Variants in GALNTL6 observed in about 807,000 individuals in gnomAD.
GALNTL6 encodes the protein polypeptide N-acetylgalactosaminyltransferase-like 6.
Under a neutral mutation model 73.7 loss-of-function variants are expected in GALNTL6, and 46 were observed. That is an observed-to-expected ratio of 0.62 (90% confidence interval 0.49 to 0.80). GALNTL6 has a LOEUF of 0.80. Ranked by LOEUF, GALNTL6 falls within the 30% of genes least tolerant of loss-of-function variation. GALNTL6 has a pLI of 0.00. For synonymous variants in GALNTL6, 259 were observed against 263.7 expected (o/e 0.98, Z 0.17); for missense variants, 604 against 755.0 (o/e 0.80, Z 2.34).
intron 2 of GALNTL6, among the ~76,000 whole-genome samples, chr4:172,187,460 T>C (rs2110870085): frequency 6.6e-6 from 1 of 152,226 alleles, no homozygotes; most frequent in East Asian, 1.9e-4. Flanking sequence ...ACAATCAAAA[T>C]AGCTCAAATT....
At chr4:172,413,749 C>T (rs549219804) in intron 5 of GALNTL6, among the ~76,000 whole-genome samples, 2 of 151,684 alleles carry the variant, frequency 1.3e-5, no homozygotes, top group East Asian at 3.9e-4. Context: ...AAGTGCCCTC[C>T]ATTTCCAAAG....
chr4:171,914,026 G>A (rs1385028879), intron 2 of GALNTL6, among the ~76,000 whole-genome samples: 3 of 151,918 alleles, frequency 2.0e-5, no homozygotes, highest in Non-Finnish European at 4.4e-5. Flanking sequence ...CTCAATTCTG[G>A]ATTATTTCTC....
At chr4:172,650,698 G>C (rs1740437819) in intron 5 of GALNTL6, among the ~76,000 whole-genome samples, 1 of 152,130 alleles carries the variant, frequency 6.6e-6, no homozygotes, top group African/African-American at 2.4e-5. Context: ...TAATGTCACA[G>C]ATGACAATGG....
chr4:172,241,950 A>G (rs181979323), intron 3 of GALNTL6, among the ~76,000 whole-genome samples: 127 of 152,292 alleles, frequency 8.3e-4, no homozygotes, highest in Middle Eastern at 3.4e-3. Flanking sequence ...CAGATTATTA[A>G]TAAAAGTTGA....
At chr4:172,957,934 G>A (rs1561055575) in intron 10 of GALNTL6, among the ~76,000 whole-genome samples, 1 of 152,162 alleles carries the variant, frequency 6.6e-6, no homozygotes, top group Non-Finnish European at 1.5e-5. Context: ...TGTTCAGGGT[G>A]AGGAACATGA....
chr4:171,950,482 C>CTT lies in GALNTL6; in HGVS notation c.138+135779_138+135780dup, dbSNP rs149650644. On this transcript the variant is annotated intron_variant, in intron 2 of 12. Coordinates refer to ENST00000506823, the MANE Select transcript of GALNTL6 (RefSeq NM_001034845.3). ...TGAGCAAAGTAAAATCTTTTCTTTT[C>CTT]TTTTTTTTTTTTTTTTGAGATGAAG... 1.4e-3 allele frequency among the ~76,000 whole-genome samples: 200 copies of CTT among 141,420 alleles called. 1 individual carries two copies. Among genetic ancestry groups the CTT allele is most frequent in the Admixed American group, 3.6e-3 (50 of 13,868 alleles). 92.8% of individuals were successfully genotyped at this position (141,420 alleles called of 152,430 possible).
At chr4:172,415,800 G>A (rs893053573) in intron 5 of GALNTL6, among the ~76,000 whole-genome samples, 6 of 152,086 alleles carry the variant, frequency 3.9e-5, no homozygotes, top group Non-Finnish European at 7.4e-5. Flanking sequence ...GTACGTGACC[G>A]GGGGCTGCCT....
chr4:171,979,446 A>G (rs921162901), intron 2 of GALNTL6, among the ~76,000 whole-genome samples: 4 of 152,246 alleles, frequency 2.6e-5, no homozygotes, highest in African/African-American at 9.6e-5. Flanking sequence ...CCCAAGGGCT[A>G]GAAATTGGAC....
chr4:171,828,411 G>C (rs1162357126), intron 2 of GALNTL6, among the ~76,000 whole-genome samples: 1 of 152,122 alleles, frequency 6.6e-6, no homozygotes, highest in Non-Finnish European at 1.5e-5. Flanking sequence ...TACCACTAGT[G>C]ATGCTGGAAG....
At chr4:172,944,206 A>G (rs1043203433) in intron 9 of GALNTL6, among the ~76,000 whole-genome samples, 12 of 152,216 alleles carry the variant, frequency 7.9e-5, no homozygotes, top group African/African-American at 2.9e-4. Context: ...GAAAAGAGAT[A>G]TTTGCAAATC....
At chr4:172,784,573 T>C (rs1394973104) in intron 5 of GALNTL6, among the ~76,000 whole-genome samples, 2 of 152,172 alleles carry the variant, frequency 1.3e-5, no homozygotes, top group African/African-American at 4.8e-5. Context: ...ATCTGTTTCC[T>C]TGACTTTTCC....
intron 5 of GALNTL6, among the ~76,000 whole-genome samples, chr4:172,481,104 C>G (rs558079772): frequency 6.6e-6 from 1 of 152,266 alleles, no homozygotes; most frequent in South Asian, 2.1e-4. Context: ...TTTGTTACTT[C>G]TGATGTTTGG....
intron 5 of GALNTL6, among the ~76,000 whole-genome samples, chr4:172,390,299 T>C (rs975769876): frequency 6.6e-6 from 1 of 152,248 alleles, no homozygotes; most frequent in Non-Finnish European, 1.5e-5. Context: ...AGAGCCACTA[T>C]GGACTGTTTA....
chr4:171,946,084 CAGAT>C (rs1281354323), intron 2 of GALNTL6, among the ~76,000 whole-genome samples: 5 of 152,070 alleles, frequency 3.3e-5, no homozygotes, highest in African/African-American at 9.7e-5. Context: ...AGCAGCTTAA[CAGAT>C]AGAATTAGCA....
At chr4:172,716,942 A>G (rs75723605) in intron 5 of GALNTL6, among the ~76,000 whole-genome samples, 1 of 152,334 alleles carries the variant, frequency 6.6e-6, no homozygotes, top group African/African-American at 2.4e-5. Context: ...ATATATTAAA[A>G]TGTGGCTGAT....
chr4:173,009,885 A>G (rs1177520352), intron 11 of GALNTL6, among the ~76,000 whole-genome samples: 1 of 152,194 alleles, frequency 6.6e-6, no homozygotes, highest in African/African-American at 2.4e-5. Context: ...TTGGGGGCAC[A>G]TAGTAGGTGT....
intron 2 of GALNTL6, among the ~76,000 whole-genome samples, chr4:172,185,911 A>G (rs551602939): frequency 6.6e-6 from 1 of 152,344 alleles, no homozygotes; most frequent in Admixed American, 6.5e-5. Flanking sequence ...ATGCTAATGC[A>G]AAATAGGCGC....
At chr4:172,356,411 A>G (rs1742161607) in intron 5 of GALNTL6, among the ~76,000 whole-genome samples, 1 of 152,172 alleles carries the variant, frequency 6.6e-6, no homozygotes. Flanking sequence ...TTTGATGTCT[A>G]AATATCCATC....
At chr4:172,592,719 G>T (rs140454472) in intron 5 of GALNTL6, among the ~76,000 whole-genome samples, 2 of 95,406 alleles carry the variant, frequency 2.1e-5, no homozygotes, top group East Asian at 4.4e-4. Context: ...TATCTATCGA[G>T]AGAGACTATG....
Sources: gnomAD v4.1 joint callset for allele counts (sites outside exome capture counted in the v4.1 genomes callset) on GRCh38, gnomAD v4.1.1 for gene constraint, MANE v1.5 for transcripts, NCBI Gene and HGNC (gene_info 2026-07-23, HGNC 2026-07-21) for gene names.